RDH13: variants seen among roughly 807,000 people sequenced by gnomAD.
The protein encoded by RDH13 is retinol dehydrogenase 13.
RDH13 carries 35 observed loss-of-function variants against 28.3 expected under a neutral mutation model. That is an observed-to-expected ratio of 1.24 (90% CI 0.95 to 1.64). RDH13 has a LOEUF of 1.64. RDH13 is among the 40% of genes most tolerant of loss of function. The pLI is 0.00. For synonymous variants in RDH13, 229 were observed against 198.5 expected, an observed-to-expected ratio of 1.15 and a Z score of -1.29; for missense variants, 514 against 446.3, an observed-to-expected ratio of 1.15 and a Z score of -1.37.
chr19:55,057,953 C>T (rs2075692197), intron 2 of RDH13, among the ~76,000 whole-genome samples: 1 of 151,796 alleles, frequency 6.6e-6, no homozygotes, highest in Non-Finnish European at 1.5e-5. Flanking sequence ...CTGGCTAACT[C>T]TGGTAGAGAT....
intron 2 of RDH13, among the ~76,000 whole-genome samples, chr19:55,058,737 G>A (rs1460984840): frequency 2.6e-5 from 4 of 151,986 alleles, no homozygotes; most frequent in African/African-American, 7.3e-5. Flanking sequence ...CTGGAGTGCC[G>A]TGGCGCCATC....
In RDH13 at chr19:55,063,117, C is replaced by G; in HGVS notation, c.-85G>C. On this transcript the variant is annotated 5_prime_UTR_variant, in exon 1 of 7. Coordinates refer to ENST00000415061, the MANE Select transcript of RDH13 (RefSeq NM_001145971.2). ...CCGCCTGGGTAGCTCCGAGGAAGAG[C>G]GCGCGACGCAGCCACAGGCGAGCGG... The G allele has an allele frequency of 1.7e-6, 2 of 1,186,740 alleles. No homozygotes were observed. The highest frequency in any genetic ancestry group is 2.2e-6 in the Non-Finnish European group (2 of 928,552). 73.5% of individuals were successfully genotyped at this position (1,186,740 alleles called of 1,614,324 possible). A position where few individuals can be genotyped will look rare whatever the true frequency, so the allele number is the denominator to read the frequency against.
intron 1 of RDH13, among the ~76,000 whole-genome samples, chr19:55,059,724 C>A (rs1164282660): frequency 6.6e-6 from 1 of 152,118 alleles, no homozygotes; most frequent in Non-Finnish European, 1.5e-5. Flanking sequence ...GTTACTGTGT[C>A]TATATAGAAA....
downstream of RDH13, chr19:55,043,049 T>G (rs1440126562): frequency 6.6e-6 from 1 of 152,286 alleles, no homozygotes; most frequent in Non-Finnish European, 1.5e-5. Context: ...CCACTGGAAG[T>G]TGCCTACCAG....
At chr19:55,040,721 A>G (rs1017540574), downstream of RDH13, 1 of 152,260 alleles carries the variant, frequency 6.6e-6, no homozygotes, top group African/African-American at 2.4e-5. Context: ...TATTGGTAAA[A>G]TAAGATTAGA....
At chr19:55,055,215 C>G (rs889913354) in intron 3 of RDH13, among the ~76,000 whole-genome samples, 6 of 152,100 alleles carry the variant, frequency 3.9e-5, no homozygotes, top group Admixed American at 1.3e-4. Context: ...TGCACTGGCA[C>G]AATCTCAGCT....
At chr19:55,051,537 T>TCTGCTGC (rs11283311) in intron 3 of RDH13, among the ~76,000 whole-genome samples, 108,322 of 150,604 alleles carry the variant, frequency 0.72, 39,135 homozygotes, top group Middle Eastern at 0.82. Context: ...TTCAGGCGAT[T>TCTGCTGC]CTGCTGCCTC....
Position 55,052,817 on chromosome 19 carries a change from C to T in RDH13, c.340+3836G>A, listed in dbSNP as rs141098786. 4.2e-4 allele frequency among the ~76,000 whole-genome samples: 64 copies of T among 152,040 alleles called. No homozygotes were observed. In the East Asian group the frequency reaches 0.011, roughly 27 times the overall value. On this transcript the variant is annotated intron_variant, in intron 3 of 6. Coordinates refer to ENST00000415061, the MANE Select transcript of RDH13 (RefSeq NM_001145971.2). ...GCTGGGTTACAGGTGCCCGCCACCA[C>T]GCCCGGCTAATTTTTTTGTGTTTCT...
chr19:55,055,090 C>T (rs1568714573), intron 3 of RDH13, among the ~76,000 whole-genome samples: 1 of 152,034 alleles, frequency 6.6e-6, no homozygotes, highest in Non-Finnish European at 1.5e-5. Flanking sequence ...CTATTATAAA[C>T]AAGACTAGAA....
At chr19:55,050,130 G>C (rs1037423624) in intron 3 of RDH13, among the ~76,000 whole-genome samples, 4 of 151,028 alleles carry the variant, frequency 2.6e-5, no homozygotes, top group East Asian at 1.9e-4. Flanking sequence ...TTTTTTGGGG[G>C]GGGGAGATGG....
chr19:55,056,137 G>A lies in RDH13; in HGVS notation c.340+516C>T, dbSNP rs147161892. On this transcript the variant is annotated intron_variant, in intron 3 of 6. Transcript: ENST00000415061. ...CCACTGCACTCCAGCCTGGGCAACA[G>A]AGCGAGACCCCATCTGTCTCAAAAC... is the stretch of plus-strand genomic sequence containing the variant. Among the ~76,000 whole-genome samples the A allele has an allele frequency of 6.9e-3, 1,056 of 152,068 alleles. 14 individuals carry two copies. The highest frequency in any genetic ancestry group is 0.023 in the African/African-American group (959 of 41,466).
rs536363381 is a variant in RDH13 at position 55,061,399 on chromosome 19, G to A, written c.65+1569C>T. ...CTGCCTTGGCCTCCCAAAGTGCTGC[G>A]ATTACAGGCGTGAGCCACCACACCC... On this transcript the variant is annotated intron_variant, in intron 1 of 6. Coordinates refer to ENST00000415061, the MANE Select transcript of RDH13 (RefSeq NM_001145971.2). Among the ~76,000 whole-genome samples, 4 of 151,898 alleles carry A rather than the reference G, an allele frequency of 2.6e-5. No homozygotes were observed. The East Asian group carries it at 7.9e-4, about 30-fold the overall frequency.
At chr19:55,066,644 CCT>C (rs548444798), upstream of RDH13, among the ~76,000 whole-genome samples, 1,125 of 148,294 alleles carry the variant, frequency 7.6e-3, 6 homozygotes, top group Admixed American at 0.012. Flanking sequence ...TCTCTCTCTC[CCT>C]CTTTCTCTTT....
chr19:55,049,861 C>G (rs2075369698), intron 3 of RDH13, among the ~76,000 whole-genome samples: 1 of 151,754 alleles, frequency 6.6e-6, no homozygotes, highest in African/African-American at 2.4e-5. Flanking sequence ...GGCTGGTTCC[C>G]TCTCAGGGCC....
upstream of RDH13, among the ~76,000 whole-genome samples, chr19:55,066,443 CCCTCTCTCTCCCTCTCTCTT>C (rs1356923716): frequency 1.8e-4 from 4 of 21,706 alleles, no homozygotes; most frequent in East Asian, 3.6e-3. Flanking sequence ...TGTCTTCTCT[CCCTCTCTCTCCCTCTCTCTT>C]CCTCTCTCTC....
chr19:55,047,021 A>G (rs1208076728), intron 6 of RDH13: 7 of 679,992 alleles, frequency 1.0e-5, no homozygotes, highest in Admixed American at 8.4e-5. Flanking sequence ...TAAGGCCTGC[A>G]CTCTGCAGAT....
At chr19:55,061,855 C>T (rs1303564459) in intron 1 of RDH13, among the ~76,000 whole-genome samples, 3 of 151,432 alleles carry the variant, frequency 2.0e-5, no homozygotes, top group East Asian at 1.9e-4. Flanking sequence ...CGGTGGCTCA[C>T]GCCTGTAACC....
In RDH13 at chr19:55,050,125, T is replaced by TGGGG. The variant is rs33938316; in HGVS notation, c.341-1366_341-1363dup. 9.3e-4 allele frequency among the ~76,000 whole-genome samples: 44 copies of TGGGG among 47,310 alleles called. 1 individual carries two copies. Among genetic ancestry groups the TGGGG allele is most frequent in the African/African-American group, 2.6e-3 (43 of 16,642 alleles). The allele number at this position is 47,310 out of a possible 152,430, so 31.0% of individuals were successfully genotyped here. A position where few individuals can be genotyped will look rare whatever the true frequency, so the allele number is the denominator to read the frequency against. On this transcript the variant is annotated intron_variant, in intron 3 of 6. Transcript: ENST00000415061. ...TGCCCCCAGCCTATTTTTTTTTTTTTGGGGGGGGGAGATGGAGTTTCACTC... is the reference window on the plus strand; with the variant it reads ...TGCCCCCAGCCTATTTTTTTTTTTTTGGGGGGGGGGGGGAGATGGAGTTTCACTC...
chr19:55,052,077 T>C (rs2075461029), intron 3 of RDH13, among the ~76,000 whole-genome samples: 1 of 87,310 alleles, frequency 1.1e-5, no homozygotes, highest in Non-Finnish European at 2.6e-5. Flanking sequence ...TTTTTTTTTT[T>C]TTTTTTTTTG....
Sources: allele counts gnomAD v4.1 joint callset (sites outside exome capture counted in the v4.1 genomes callset), GRCh38; gene constraint gnomAD v4.1.1; transcripts MANE v1.5; gene names NCBI Gene and HGNC (gene_info 2026-07-23, HGNC 2026-07-21).